The following PTPRO variants were observed in gnomAD, a reference collection of about 807,000 sequenced individuals.
The protein encoded by PTPRO is protein tyrosine phosphatase receptor type O.
PTPRO carries 62 observed loss-of-function variants against 145.2 expected under a neutral mutation model. The observed-to-expected ratio is 0.43, with a 90% CI of 0.35 to 0.53. The LOEUF (loss-of-function observed/expected upper bound fraction) is 0.53, where lower values mean the gene tolerates loss of function less well. Ranked by LOEUF, PTPRO falls within the 20% of genes least tolerant of loss-of-function variation. The pLI, the probability that PTPRO is intolerant of heterozygous loss-of-function variation, is 0.01. For synonymous variants in PTPRO, 565 were observed against 514.7 expected (o/e 1.10, Z -1.32); for missense variants, 1,345 against 1,482.7 (o/e 0.91, Z 1.53).
intron 1 of PTPRO, among the ~76,000 whole-genome samples, chr12:15,407,023 G>A (rs1338436704): frequency 6.6e-6 from 1 of 152,130 alleles, no homozygotes; most frequent in East Asian, 1.9e-4. Context: ...TACATAAAGT[G>A]TGTTTCTGTC....
At chr12:15,328,933 G>A (rs948736020) in intron 1 of PTPRO, among the ~76,000 whole-genome samples, 2 of 152,102 alleles carry the variant, frequency 1.3e-5, no homozygotes, top group African/African-American at 2.4e-5. Context: ...ACAAGTAGTG[G>A]TGCAAGATCA....
intron 1 of PTPRO, among the ~76,000 whole-genome samples, chr12:15,392,653 G>A (rs377553044): frequency 6.8e-6 from 1 of 146,072 alleles, no homozygotes; most frequent in South Asian, 2.2e-4. Flanking sequence ...CCTCGGAGGC[G>A]GAGGTTTCCA....
At chr12:15,336,041 T>A (rs955727286) in intron 1 of PTPRO, among the ~76,000 whole-genome samples, 2 of 152,200 alleles carry the variant, frequency 1.3e-5, no homozygotes, top group African/African-American at 4.8e-5. Context: ...TGCATCATCA[T>A]GCACGAGAAT....
At chr12:15,460,827 T>C (rs773631676) in intron 1 of PTPRO, among the ~76,000 whole-genome samples, 4 of 152,218 alleles carry the variant, frequency 2.6e-5, no homozygotes, top group Non-Finnish European at 4.4e-5. Flanking sequence ...TCATGTATAT[T>C]AAGAAGTTGG....
At chr12:15,462,459 C>T (rs1056847863) in intron 1 of PTPRO, among the ~76,000 whole-genome samples, 1 of 152,116 alleles carries the variant, frequency 6.6e-6, no homozygotes, top group Admixed American at 6.5e-5. Flanking sequence ...TTCACCGTCA[C>T]TGGTAAAATA....
intron 1 of PTPRO, among the ~76,000 whole-genome samples, chr12:15,381,605 C>A (rs1238204935): frequency 6.6e-6 from 1 of 152,076 alleles, no homozygotes; most frequent in Non-Finnish European, 1.5e-5. Context: ...CTTAATGACA[C>A]CCTGCAGCAG....
At chr12:15,557,606 A>G (rs1373697929) in intron 16 of PTPRO, 83 bp downstream of exon 16, 1 of 1,271,168 alleles carries the variant, frequency 7.9e-7, no homozygotes, top group Non-Finnish European at 1.1e-6. Context: ...TCCTTTGGGG[A>G]TAGTTTTGTC....
chr12:15,415,567 G>A (rs890598560), intron 1 of PTPRO, among the ~76,000 whole-genome samples: 1 of 151,368 alleles, frequency 6.6e-6, no homozygotes, highest in Non-Finnish European at 1.5e-5. Context: ...TGTATTTTTA[G>A]TAGAGACGGG....
In PTPRO at chr12:15,551,576, A is replaced by G; in HGVS notation, c.2463A>G (p.Val821=). 1 of 1,613,716 alleles carries G rather than the reference A, an allele frequency of 6.2e-7. No homozygotes were observed. Among genetic ancestry groups the G allele is most frequent in the Non-Finnish European group, 8.5e-7 (1 of 1,179,786 alleles). Residue 821 remains valine, a synonymous_variant, in exon 15 of 27, where the codon GTA becomes GTG. Coordinates refer to ENST00000281171, the MANE Select transcript of PTPRO (RefSeq NM_030667.3). Reference sequence around the variant, plus strand: ...TTACAGAGATGAATCCCAATGTGGTAGTGATCTCCGTGCTGGCCATCCTTA... The same window carrying G: ...TTACAGAGATGAATCCCAATGTGGTGGTGATCTCCGTGCTGGCCATCCTTA... ...TMVTEMNPNV[V]VISVLAILST...
chr12:15,493,811 C>T (rs1055489724), intron 2 of PTPRO, among the ~76,000 whole-genome samples: 3 of 152,140 alleles, frequency 2.0e-5, no homozygotes, highest in Non-Finnish European at 4.4e-5. Flanking sequence ...CCTAAGGCGA[C>T]ATGCCGCAAA....
At chr12:15,343,906 G>C (rs977258615) in intron 1 of PTPRO, among the ~76,000 whole-genome samples, 1 of 152,076 alleles carries the variant, frequency 6.6e-6, no homozygotes, top group Non-Finnish European at 1.5e-5. Context: ...GGATGGTCTC[G>C]ATCTCCTGAC....
chr12:15,444,615 C>T (rs1055090359), intron 1 of PTPRO, among the ~76,000 whole-genome samples: 3 of 152,006 alleles, frequency 2.0e-5, no homozygotes, highest in African/African-American at 7.2e-5. Context: ...AACGTAATCC[C>T]CAATGTGACA....
intron 1 of PTPRO, among the ~76,000 whole-genome samples, chr12:15,425,760 A>G (rs185296483): frequency 7.6e-4 from 115 of 152,062 alleles, no homozygotes; most frequent in Non-Finnish European, 1.5e-3. Context: ...CTTTTTTATT[A>G]TATTTCACTG....
chr12:15,434,760 T>C (rs1487096572), intron 1 of PTPRO, among the ~76,000 whole-genome samples: 1 of 152,206 alleles, frequency 6.6e-6, no homozygotes, highest in Non-Finnish European at 1.5e-5. Flanking sequence ...AAAAGAGCTG[T>C]TGAATGTGTG....
In PTPRO at chr12:15,569,502, A is replaced by G; in HGVS notation, c.2829+4A>G. On this transcript the variant is annotated splice_donor_region_variant and intron_variant, in intron 19 of 26. Coordinates refer to ENST00000281171, the MANE Select transcript of PTPRO (RefSeq NM_030667.3). ...TAAATTTTCTCTTCAGTTTGAGGTG[A>G]GTTGGTTAAGGCATTTTCTACCTTC... The G allele has an allele frequency of 5.6e-6, 9 of 1,607,782 alleles. No individual in the cohort carries two copies. Among genetic ancestry groups the G allele is most frequent in the Non-Finnish European group, 7.7e-6 (9 of 1,174,482 alleles).
intron 12 of PTPRO, among the ~76,000 whole-genome samples, chr12:15,527,071 G>T (rs117540655): frequency 1.6e-3 from 248 of 152,088 alleles, no homozygotes; most frequent in Non-Finnish European, 3.1e-3. Context: ...TTTATAAATG[G>T]CAGCATAGAA....
intron 2 of PTPRO, 92 bp downstream of exon 2, chr12:15,484,339 G>A: frequency 2.8e-6 from 4 of 1,448,006 alleles, no homozygotes; most frequent in South Asian, 2.4e-5. Context: ...ACCCAGAATG[G>A]CAAAATCACT....
chr12:15,386,874 T>G (rs1939044918), intron 1 of PTPRO, among the ~76,000 whole-genome samples: 1 of 152,206 alleles, frequency 6.6e-6, no homozygotes, highest in South Asian at 2.1e-4. Flanking sequence ...ACAGTCAAGT[T>G]TCTAGACCCA....
intron 10 of PTPRO, among the ~76,000 whole-genome samples, chr12:15,521,520 A>C (rs1161070100): frequency 6.6e-6 from 1 of 152,202 alleles, no homozygotes; most frequent in Non-Finnish European, 1.5e-5. Context: ...CTTTCTGAGA[A>C]TGCTCTTTCC....
Sources: allele counts gnomAD v4.1 joint callset (sites outside exome capture counted in the v4.1 genomes callset), GRCh38; gene constraint gnomAD v4.1.1; transcripts MANE v1.5; gene names NCBI Gene and HGNC (gene_info 2026-07-23, HGNC 2026-07-21).